The following DIAPH3 variants were observed in gnomAD, a reference collection of about 807,000 sequenced individuals.
DIAPH3 encodes the protein diaphanous related formin 3.
Under a neutral mutation model 144.3 loss-of-function variants are expected in DIAPH3, and 117 were observed. The ratio of observed to expected loss-of-function variants is 0.81; its 90% CI spans 0.70 to 0.95. The LOEUF is 0.95. Among genes scored for constraint, DIAPH3 ranks in the 40% least tolerant of loss-of-function variants. The pLI is 0.00. For missense variants in DIAPH3, 1,421 were observed against 1,412.7 expected, an observed-to-expected ratio of 1.01 and a Z score of -0.09; for synonymous variants, 519 against 488.9, an observed-to-expected ratio of 1.06 and a Z score of -0.81.
intron 27 of DIAPH3, among the ~76,000 whole-genome samples, chr13:59,754,364 A>G (rs2037155183): frequency 6.6e-6 from 1 of 152,124 alleles, no homozygotes; most frequent in Non-Finnish European, 1.5e-5. Context: ...AATACACTCA[A>G]CAGCGTCTGA....
At chr13:60,090,305 T>C (rs1376586256) in intron 4 of DIAPH3, among the ~76,000 whole-genome samples, 4 of 152,066 alleles carry the variant, frequency 2.6e-5, no homozygotes, top group African/African-American at 9.7e-5. Flanking sequence ...CAAATTCAGT[T>C]TTATTCTTGT....
intron 25 of DIAPH3, among the ~76,000 whole-genome samples, chr13:59,790,820 G>A (rs1203219732): frequency 6.6e-6 from 1 of 152,046 alleles, no homozygotes; most frequent in Non-Finnish European, 1.5e-5. Context: ...TAAAAAAACT[G>A]GAGGCAAAAA....
At chr13:59,747,565 T>G (rs938051586) in intron 27 of DIAPH3, among the ~76,000 whole-genome samples, 9 of 152,008 alleles carry the variant, frequency 5.9e-5, no homozygotes, top group Admixed American at 1.3e-4. Context: ...CCCACTGGAG[T>G]GTATTTTCAA....
In DIAPH3 at chr13:59,861,501, C is replaced by T. The variant is rs201539656; in HGVS notation, c.2643G>A (p.Thr881=). 30 of 1,613,556 alleles carry T rather than the reference C, an allele frequency of 1.9e-5. No individual in the cohort carries two copies. The highest frequency in any genetic ancestry group is 1.6e-4 in the Middle Eastern group (1 of 6,078). Residue 881 remains threonine (T), a synonymous_variant, in exon 22 of 28, where the codon ACG becomes ACA. Transcript: ENST00000400324. The part of the protein sequence containing the change: ...KDTKSADQKT[T]LLHFLVEICE... ...ATATTTCTACCAGGAAATGAAGTAG[C>T]GTTGTTTTCTGATCTGCTGATTTTG...
rs1342716753 is a variant in DIAPH3, at chr13:59,844,429, G to A, written c.2738-4981C>T. 5.9e-5 allele frequency among the ~76,000 whole-genome samples: 9 copies of A among 151,350 alleles called. No individual in the cohort carries two copies. In the South Asian group the frequency reaches 6.3e-4, roughly 11 times the overall value. On this transcript the variant is annotated intron_variant, in intron 22 of 27. Coordinates refer to ENST00000400324, the MANE Select transcript of DIAPH3 (RefSeq NM_001042517.2). The stretch of plus-strand genomic sequence containing the variant: ...TGAGGCAGGAGAATGGCATGAACCC[G>A]GGAGGCAAAGCTTGCAGTGAGCTGA...
chr13:60,129,938 C>T (rs953030958), intron 2 of DIAPH3, among the ~76,000 whole-genome samples: 1 of 152,120 alleles, frequency 6.6e-6, no homozygotes, highest in Non-Finnish European at 1.5e-5. Context: ...TCTGTCTGTA[C>T]ATCAAGAAAT....
intron 27 of DIAPH3, among the ~76,000 whole-genome samples, chr13:59,730,222 T>C (rs1161330730): frequency 2.0e-5 from 3 of 152,242 alleles, no homozygotes; most frequent in Admixed American, 6.5e-5. Flanking sequence ...CTTCTTCAGA[T>C]AGGACACATT....
At position 60,017,130 on chromosome 13, in the gene DIAPH3, G is replaced by A. The variant is rs372642692; in HGVS notation, c.627-985C>T. 1.9e-3 allele frequency among the ~76,000 whole-genome samples: 295 copies of A among 152,224 alleles called. 2 individuals carry two copies. Among genetic ancestry groups the A allele is most frequent in the African/African-American group, 6.8e-3 (281 of 41,538 alleles). On this transcript the variant is annotated intron_variant, in intron 5 of 27. Transcript: ENST00000400324. ...GTTAAAAACAAAATTTCGGCCAGGC[G>A]TGGTGGCTCCTGCCTGTAATCCCAG...
At chr13:59,979,924 T>C (rs2050894030) in intron 14 of DIAPH3, among the ~76,000 whole-genome samples, 1 of 151,626 alleles carries the variant, frequency 6.6e-6, no homozygotes, top group East Asian at 1.9e-4. Flanking sequence ...TGCAAAGAAT[T>C]GGAATAACAA....
At position 60,064,891 on chromosome 13, in the gene DIAPH3, T is replaced by C. The variant is rs185262748; in HGVS notation, c.496-22071A>G. Among the ~76,000 whole-genome samples, 121 of 152,212 alleles carry C rather than the reference T, an allele frequency of 7.9e-4. 1 individual carries two copies. In the Middle Eastern group the frequency reaches 0.024, roughly 30 times the overall value. ...CCTTTCACTGAACACTTAGAAGTCA[T>C]TGTAGGGTTATTAACTTCCTTAATT... On this transcript the variant is annotated intron_variant, in intron 4 of 27. Coordinates refer to ENST00000400324, the MANE Select transcript of DIAPH3 (RefSeq NM_001042517.2).
intron 25 of DIAPH3, among the ~76,000 whole-genome samples, chr13:59,797,555 T>C (rs997099111): frequency 2.6e-5 from 4 of 152,162 alleles, no homozygotes; most frequent in African/African-American, 9.7e-5. Context: ...AATTAGTACC[T>C]AATGAAAAAA....
At chr13:60,073,839 C>G (rs2057293577) in intron 4 of DIAPH3, among the ~76,000 whole-genome samples, 1 of 152,158 alleles carries the variant, frequency 6.6e-6, no homozygotes, top group Non-Finnish European at 1.5e-5. Context: ...CATTTAAAAG[C>G]TTTGCAAACA....
chr13:59,889,555 G>C (rs2045661575), intron 20 of DIAPH3, among the ~76,000 whole-genome samples: 1 of 151,758 alleles, frequency 6.6e-6, no homozygotes, highest in African/African-American at 2.4e-5. Flanking sequence ...GAACATATTT[G>C]TAGTATCCTT....
At chr13:60,042,170 G>T (rs1430562647) in intron 5 of DIAPH3, among the ~76,000 whole-genome samples, 1 of 152,036 alleles carries the variant, frequency 6.6e-6, no homozygotes, top group Admixed American at 6.6e-5. Context: ...TAAAATACAG[G>T]ATACAAACTT....
At chr13:59,700,286 A>T (rs754004044) in intron 27 of DIAPH3, among the ~76,000 whole-genome samples, 7 of 152,128 alleles carry the variant, frequency 4.6e-5, no homozygotes, top group Non-Finnish European at 1.0e-4. Context: ...AAACCTTTGT[A>T]ATAGTAGTCA....
At chr13:59,798,832 T>A (rs2139456257) in intron 25 of DIAPH3, among the ~76,000 whole-genome samples, 1 of 152,178 alleles carries the variant, frequency 6.6e-6, no homozygotes, top group Non-Finnish European at 1.5e-5. Context: ...AAGTGGCGCA[T>A]ATTGGGTAGA....
intron 2 of DIAPH3, among the ~76,000 whole-genome samples, chr13:60,123,369 G>C (rs1355803688): frequency 6.6e-6 from 1 of 152,128 alleles, no homozygotes; most frequent in Non-Finnish European, 1.5e-5. Flanking sequence ...TAATGAATGA[G>C]TGGACAAAAC....
At chr13:59,674,457 T>G (rs544681375) in intron 27 of DIAPH3, among the ~76,000 whole-genome samples, 1 of 152,182 alleles carries the variant, frequency 6.6e-6, no homozygotes, top group African/African-American at 2.4e-5. Context: ...TACTTTTCGA[T>G]GATTCATTTT....
chr13:59,771,172 T>A (rs1163886020), intron 27 of DIAPH3, among the ~76,000 whole-genome samples: 1 of 152,050 alleles, frequency 6.6e-6, no homozygotes, highest in Non-Finnish European at 1.5e-5. Flanking sequence ...TCTCTCTATA[T>A]ATAAAAAGAA....
Sources: gnomAD v4.1 joint callset for allele counts (sites outside exome capture counted in the v4.1 genomes callset) on GRCh38, gnomAD v4.1.1 for gene constraint, MANE v1.5 for transcripts, NCBI Gene and HGNC (gene_info 2026-07-23, HGNC 2026-07-21) for gene names.